Variants in AKAP19 observed in about 807,000 individuals in gnomAD.
AKAP19 encodes small A-kinase anchoring protein.
the AKAP19 span, among the ~76,000 whole-genome samples, chr2:190,127,996 A>G: frequency 6.6e-6 from 1 of 152,366 alleles, no homozygotes; most frequent in Admixed American, 6.5e-5. Flanking sequence ...TATACAAAAT[A>G]AAATGAGTCA....
the AKAP19 span, among the ~76,000 whole-genome samples, chr2:190,002,192 T>G: frequency 2.6e-5 from 4 of 152,250 alleles, no homozygotes; most frequent in Non-Finnish European, 5.9e-5. Flanking sequence ...CTTCTTAGAC[T>G]GTCATGTGTC....
At chr2:190,075,245 G>A in the AKAP19 span, among the ~76,000 whole-genome samples, 2 of 152,116 alleles carry the variant, frequency 1.3e-5, no homozygotes, top group African/African-American at 4.8e-5. Flanking sequence ...TGTAATCAGA[G>A]AATGTAGTTG....
At chr2:189,978,931 A>C in the AKAP19 span, among the ~76,000 whole-genome samples, 2 of 152,166 alleles carry the variant, frequency 1.3e-5, no homozygotes, top group South Asian at 4.1e-4. Context: ...GAAAGAAATC[A>C]TAGATGACAC....
At chr2:190,068,577 C>T in the AKAP19 span, among the ~76,000 whole-genome samples, 90,584 of 152,006 alleles carry the variant, frequency 0.6, 31,599 homozygotes, top group South Asian at 0.78. Flanking sequence ...GTCATCCATC[C>T]GCCCACCTCA....
chr2:190,130,765 C>T, the AKAP19 span, among the ~76,000 whole-genome samples: 2 of 152,106 alleles, frequency 1.3e-5, no homozygotes, highest in South Asian at 2.1e-4. Context: ...GTACAAACAG[C>T]GGTAGATCAA....
the AKAP19 span, among the ~76,000 whole-genome samples, chr2:190,154,312 T>C: frequency 6.6e-6 from 1 of 152,212 alleles, no homozygotes; most frequent in African/African-American, 2.4e-5. Context: ...TTTCTGTTAT[T>C]CTTTTCATTT....
At chr2:190,097,032 G>T in the AKAP19 span, among the ~76,000 whole-genome samples, 1 of 152,148 alleles carries the variant, frequency 6.6e-6, no homozygotes, top group Non-Finnish European at 1.5e-5. Flanking sequence ...TCAAACCAGA[G>T]CAATTCCCTT....
chr2:190,087,955 C>T, the AKAP19 span, among the ~76,000 whole-genome samples: 1 of 152,070 alleles, frequency 6.6e-6, no homozygotes, highest in African/African-American at 2.4e-5. Context: ...AAGTTTTCCC[C>T]ATGCAAAAAA....
the AKAP19 span, among the ~76,000 whole-genome samples, chr2:189,909,128 T>C: frequency 5.3e-5 from 8 of 151,976 alleles, no homozygotes; most frequent in African/African-American, 1.9e-4. Flanking sequence ...TGTCTCTTTT[T>C]ACAATTTTTT....
the AKAP19 span, among the ~76,000 whole-genome samples, chr2:189,919,920 G>T: frequency 5.3e-5 from 8 of 151,890 alleles, no homozygotes; most frequent in Non-Finnish European, 1.0e-4. Context: ...CCCTTTCAGG[G>T]CTTTGATATA....
the AKAP19 span, among the ~76,000 whole-genome samples, chr2:189,941,707 T>C: frequency 6.6e-6 from 1 of 152,028 alleles, no homozygotes; most frequent in African/African-American, 2.4e-5. Flanking sequence ...TTAAACATAC[T>C]AACAGAAGGA....
the AKAP19 span, among the ~76,000 whole-genome samples, chr2:190,031,399 C>T: frequency 2.6e-5 from 4 of 152,074 alleles, no homozygotes; most frequent in East Asian, 1.9e-4. Flanking sequence ...ATTTTATATC[C>T]AATTGATGGA....
chr2:189,957,670 A>G, the AKAP19 span, among the ~76,000 whole-genome samples: 1 of 152,206 alleles, frequency 6.6e-6, no homozygotes, highest in Non-Finnish European at 1.5e-5. Context: ...TCTAGTTCCT[A>G]TAGTAAGACT....
At chr2:189,904,891 T>G in the AKAP19 span, among the ~76,000 whole-genome samples, 2 of 152,042 alleles carry the variant, frequency 1.3e-5, no homozygotes, top group Non-Finnish European at 2.9e-5. Context: ...AGTTATCATC[T>G]GACAAGAATA....
the AKAP19 span, among the ~76,000 whole-genome samples, chr2:190,097,145 G>T: frequency 6.6e-6 from 1 of 152,072 alleles, no homozygotes; most frequent in Non-Finnish European, 1.5e-5. Flanking sequence ...TGCCATGGTG[G>T]TTTGCTGCAT....
At chr2:189,886,879 G>A in the AKAP19 span, among the ~76,000 whole-genome samples, 1 of 152,154 alleles carries the variant, frequency 6.6e-6, no homozygotes, top group Non-Finnish European at 1.5e-5. Context: ...CCAGTTAGAG[G>A]CCTGTTGCAG....
chr2:189,978,079 G>A, the AKAP19 span, among the ~76,000 whole-genome samples: 1 of 152,100 alleles, frequency 6.6e-6, no homozygotes, highest in Non-Finnish European at 1.5e-5. Context: ...TATTTGATAG[G>A]TTAAGCATAT....
the AKAP19 span, among the ~76,000 whole-genome samples, chr2:190,170,529 C>A: frequency 6.6e-6 from 1 of 152,140 alleles, no homozygotes; most frequent in Non-Finnish European, 1.5e-5. Context: ...GGGATTCAAT[C>A]CCAGCAATGT....
chr2:190,065,068 T>G, the AKAP19 span, among the ~76,000 whole-genome samples: 38 of 152,272 alleles, frequency 2.5e-4, no homozygotes, highest in East Asian at 6.8e-3. Flanking sequence ...GGGTTCCGCC[T>G]TTTTGTTTCA....
Sources: allele counts gnomAD v4.1 joint callset (sites outside exome capture counted in the v4.1 genomes callset), GRCh38; gene constraint gnomAD v4.1.1; transcripts MANE v1.5; gene names NCBI Gene and HGNC (gene_info 2026-07-23, HGNC 2026-07-21).